The following MKNK2 variants were observed in gnomAD, a reference collection of about 807,000 sequenced individuals.
MKNK2 encodes MAPK interacting serine/threonine kinase 2.
In MKNK2, 54 loss-of-function variants were observed where a neutral mutation model predicts 55.0. That is an observed-to-expected ratio of 0.98 (90% CI 0.79 to 1.23). The LOEUF (loss-of-function observed/expected upper bound fraction) is 1.23, where lower values mean the gene tolerates loss of function less well. Ranked by LOEUF, MKNK2 falls within the 50% of genes most tolerant of loss-of-function variation. The pLI is 0.00. For synonymous variants in MKNK2, 323 were observed against 256.0 expected (o/e 1.26, Z -2.50); for missense variants, 685 against 632.1 (o/e 1.08, Z -0.90).
intron 12 of MKNK2, 127 bp from the exon 13 acceptor site, chr19:2,040,304 G>C (rs1438293113): frequency 1.2e-6 from 1 of 827,896 alleles, no homozygotes; most frequent in Non-Finnish European, 1.8e-6. Flanking sequence ...GACCAGGAGT[G>C]CACCTGGGTG....
intron 9 of MKNK2, 30 bp from the exon 10 acceptor site, chr19:2,042,552 G>A (rs1304180257): frequency 9.5e-6 from 15 of 1,580,766 alleles, no homozygotes; most frequent in Non-Finnish European, 1.3e-5. Flanking sequence ...CCGTGAGCCT[G>A]GGGTCCCACG....
intron 2 of MKNK2, 80 bp from the exon 3 acceptor site, chr19:2,046,771 G>A (rs998131331): frequency 4.2e-5 from 49 of 1,166,810 alleles, no homozygotes; most frequent in South Asian, 1.8e-4. Flanking sequence ...CCCCAGTGTC[G>A]CAGCGTCCAC....
Position 2,038,542 on chromosome 19 carries a change from T to A in MKNK2, c.*1071A>T. 8 of 985,244 alleles carry A rather than the reference T, an allele frequency of 8.1e-6. No individual in the cohort carries two copies. Among genetic ancestry groups the A allele is most frequent in the Non-Finnish European group, 9.6e-6 (8 of 829,940 alleles). 61.0% of individuals were successfully genotyped at this position (985,244 alleles called of 1,614,324 possible). A position where few individuals can be genotyped will look rare whatever the true frequency, so the allele number is the denominator to read the frequency against. On this transcript the variant is annotated 3_prime_UTR_variant, in exon 14 of 14. Coordinates refer to ENST00000250896, the MANE Select transcript of MKNK2 (RefSeq NM_199054.3). The stretch of plus-strand genomic sequence containing the variant: ...CGAAGGGAGGCCGAGGCCGCAGCCG[T>A]TTTCCTGAAGGTGGCAGACCAAAAA...
chr19:2,038,603 G>C lies in MKNK2; in HGVS notation c.*1010C>G, dbSNP rs1479270933. ...GGGGTGAGGATTCGGCCAGACCCCG[G>C]GGTCTGGGCTCAGCTCTAAGGACAA... On this transcript the variant is annotated 3_prime_UTR_variant, in exon 14 of 14. Coordinates refer to ENST00000250896, the MANE Select transcript of MKNK2 (RefSeq NM_199054.3). 1 of 985,304 alleles carries C rather than the reference G, an allele frequency of 1.0e-6. No homozygotes were observed. Among genetic ancestry groups the C allele is most frequent in the African/African-American group, 1.7e-5 (1 of 57,188 alleles). The allele number at this position is 985,304 out of a possible 1,614,324, so 61.0% of individuals were successfully genotyped here. A position where few individuals can be genotyped will look rare whatever the true frequency, so the allele number is the denominator to read the frequency against.
Position 2,043,452 on chromosome 19 carries a change from T to G in MKNK2, c.419+51A>C, listed in dbSNP as rs530475752. Reference sequence around the variant, plus strand: ...GGTGATGTGGCACTCAGGCCCTTCATCCACTGAAAGACAGCTCAGGCCAGT... The same window carrying G: ...GGTGATGTGGCACTCAGGCCCTTCAGCCACTGAAAGACAGCTCAGGCCAGT... On this transcript the variant is annotated intron_variant, in intron 6 of 13. Coordinates refer to ENST00000250896, the MANE Select transcript of MKNK2 (RefSeq NM_199054.3). The G allele has an allele frequency of 2.6e-6, 4 of 1,533,856 alleles. No homozygotes were observed. The South Asian group carries it at 4.5e-5, about 17-fold the overall frequency.
Position 2,037,615 on chromosome 19 carries a change from T to TA in MKNK2, c.*1997dup, listed in dbSNP as rs1568232901. Reference sequence around the variant, plus strand: ...GTGCTTGGATGTTTTTCCCCCACTTTAAAAAAACTTTTGAGGTTTTTTTTT... The same window carrying TA: ...GTGCTTGGATGTTTTTCCCCCACTTTAAAAAAAACTTTTGAGGTTTTTTTTT... On this transcript the variant is annotated 3_prime_UTR_variant, in exon 14 of 14. Transcript: ENST00000250896. 6.6e-6 allele frequency: 5 copies of TA among 756,180 alleles called. No homozygotes were observed. The highest frequency in any genetic ancestry group is 1.8e-5 in the African/African-American group (1 of 54,154). 46.8% of individuals were successfully genotyped at this position (756,180 alleles called of 1,614,324 possible).
At chr19:2,045,562 C>T (rs1438760302) in intron 5 of MKNK2, among the ~76,000 whole-genome samples, 1 of 152,158 alleles carries the variant, frequency 6.6e-6, no homozygotes, top group East Asian at 1.9e-4. Context: ...GCCTGGCCGT[C>T]CACCAGGACC....
Position 2,042,645 on chromosome 19 carries a change from G to A in MKNK2, c.616C>T (p.Leu206=), listed in dbSNP as rs866513976. ...LHNKGIAHRD[L]KPENILCEHP... The stretch of plus-strand genomic sequence containing the variant: ...TCACAGAGGATGTTTTCCGGCTTTA[G>A]GTCCCTGTGGGCGATGCCTGGGGGA... The change falls in exon 9 of 14, where the codon CTA becomes TTA. Residue 206 remains leucine (L), a synonymous_variant. Coordinates refer to ENST00000250896, the MANE Select transcript of MKNK2 (RefSeq NM_199054.3). The A allele has an allele frequency of 6.4e-7, 1 of 1,562,786 alleles. No individual in the cohort carries two copies. The highest frequency in any genetic ancestry group is 1.3e-5 in the African/African-American group (1 of 74,104).
Position 2,042,821 on chromosome 19 carries a change from C to G in MKNK2, c.543G>C (p.Glu181Asp). 2 of 1,580,022 alleles carry G rather than the reference C, an allele frequency of 1.3e-6. No homozygotes were observed. The highest frequency in any genetic ancestry group is 1.1e-5 in the South Asian group (1 of 87,440). The change falls in exon 8 of 14, where the codon GAG becomes GAC. Residue 181 changes from glutamate (E) to aspartate (D), a missense_variant. Transcript: ENST00000250896. Reference protein sequence around the residue: ...IHKRRHFNELEASVVVQDVAS... With the variant: ...IHKRRHFNELDASVVVQDVAS... ...CCACGTCCTGCACCACCACGCTGGCCTCCAGCTCGTTGAAGTGCCGGCGCT... is the reference window on the plus strand; with the variant it reads ...CCACGTCCTGCACCACCACGCTGGCGTCCAGCTCGTTGAAGTGCCGGCGCT...
Position 2,038,316 on chromosome 19 carries a change from AGGGGCTGCCCCAGCTGTGGAGCTCG to A in MKNK2, c.*1272_*1296del. ...TCCCGACCGCGGATTTAGAAGCCAG[AGGGGCTGCCCCAGCTGTGGAGCTCG>A]GGGGCTGCGCCGGGAAGGGCGGGCG... is the stretch of plus-strand genomic sequence containing the variant. On this transcript the variant is annotated 3_prime_UTR_variant, in exon 14 of 14. Transcript: ENST00000250896. The A allele has an allele frequency of 2.0e-6, 2 of 986,772 alleles. No individual in the cohort carries two copies. The highest frequency in any genetic ancestry group is 2.4e-6 in the Non-Finnish European group (2 of 830,530). 61.1% of individuals were successfully genotyped at this position (986,772 alleles called of 1,614,324 possible). A position where few individuals can be genotyped will look rare whatever the true frequency, so the allele number is the denominator to read the frequency against.
chr19:2,041,867 G>A lies in MKNK2; in HGVS notation c.918C>T (p.Asp306=). ...GGCAGGCAGGGCAGGCCTCGCCGCGGTCCCAGCCGCAGTCGCTGCCACAGC... is the reference window on the plus strand; with the variant it reads ...GGCAGGCAGGGCAGGCCTCGCCGCGATCCCAGCCGCAGTCGCTGCCACAGC... ...VGRCGSDCGW[D]RGEACPACQN... is the part of the protein sequence containing the mutation. The change falls in exon 11 of 14, where the codon GAC becomes GAT. Residue 306 remains aspartate, a synonymous_variant. Coordinates refer to ENST00000250896, the MANE Select transcript of MKNK2 (RefSeq NM_199054.3). 2 of 1,539,160 alleles carry A rather than the reference G, an allele frequency of 1.3e-6. No homozygotes were observed. The highest frequency in any genetic ancestry group is 2.5e-5 in the East Asian group (1 of 40,106).
rs546905842 is a variant in MKNK2 at position 2,040,169 on chromosome 19, C to G, written c.1119G>C (p.Pro373=). Residue 373 remains proline, a synonymous_variant, in exon 13 of 14, where the codon CCG becomes CCC. Transcript: ENST00000250896. ...LQHPWVQGCA[P]ENTLPTPMVL... ...CCATGGGAGTGGGCAAGGTGTTCTC[C>G]GGGGCGCACTGCAACGAGAGTGGGC... The G allele has an allele frequency of 6.3e-7, 1 of 1,584,736 alleles. No individual in the cohort carries two copies. The highest frequency in any genetic ancestry group is 8.6e-7 in the Non-Finnish European group (1 of 1,166,890).
rs976081994 is a variant in MKNK2, at chr19:2,038,159, G to C, written c.*1454C>G. ...AGATTCAGGAGGGGCAGCAGGGCCA[G>C]GCAGACGGTCTCCGAGGCCCCCACC... On this transcript the variant is annotated 3_prime_UTR_variant, in exon 14 of 14. Coordinates refer to ENST00000250896, the MANE Select transcript of MKNK2 (RefSeq NM_199054.3). 1.3e-5 allele frequency: 14 copies of C among 1,041,728 alleles called. No individual in the cohort carries two copies. In the African/African-American group the frequency reaches 2.4e-4, roughly 18 times the overall value. 64.5% of individuals were successfully genotyped at this position (1,041,728 alleles called of 1,614,324 possible). A position where few individuals can be genotyped will look rare whatever the true frequency, so the allele number is the denominator to read the frequency against.
rs1039675641 is a variant in MKNK2, at chr19:2,039,489, C to T, written c.*124G>A. ...CTATAAAACACCCCCCTCAGCTGAGCTTAGTGCCTGGGAATCCAGGCAGAG... is the reference window on the plus strand; with the variant it reads ...CTATAAAACACCCCCCTCAGCTGAGTTTAGTGCCTGGGAATCCAGGCAGAG... On this transcript the variant is annotated 3_prime_UTR_variant, in exon 14 of 14. Coordinates refer to ENST00000250896, the MANE Select transcript of MKNK2 (RefSeq NM_199054.3). 5.6e-6 allele frequency: 8 copies of T among 1,437,876 alleles called. No homozygotes were observed. The Admixed American group carries it at 1.1e-4, about 19-fold the overall frequency. The allele number at this position is 1,437,876 out of a possible 1,614,324, so 89.1% of individuals were successfully genotyped here. A position where few individuals can be genotyped will look rare whatever the true frequency, so the allele number is the denominator to read the frequency against.
chr19:2,042,928 C>T, intron 7 of MKNK2, 58 bp from the exon 8 acceptor site: 1 of 1,507,782 alleles, frequency 6.6e-7, no homozygotes, highest in East Asian at 2.4e-5. Context: ...TCAAAGTCCC[C>T]TCAAGGCCAG....
At position 2,038,463 on chromosome 19, in the gene MKNK2, G is replaced by A. The variant is rs2016802432; in HGVS notation, c.*1150C>T. 2.0e-6 allele frequency: 2 copies of A among 985,462 alleles called. No individual in the cohort carries two copies. Among genetic ancestry groups the A allele is most frequent in the South Asian group, 4.7e-5 (1 of 21,286 alleles). The allele number at this position is 985,462 out of a possible 1,614,324, so 61.0% of individuals were successfully genotyped here. A position where few individuals can be genotyped will look rare whatever the true frequency, so the allele number is the denominator to read the frequency against. On this transcript the variant is annotated 3_prime_UTR_variant, in exon 14 of 14. Coordinates refer to ENST00000250896, the MANE Select transcript of MKNK2 (RefSeq NM_199054.3). ...GGCAGCAGGCTCCGCAGCCCCCGGG[G>A]GTTGGAGCATGGAGGGTGGGGGGAC...
chr19:2,051,088 G>T lies in MKNK2; in HGVS notation c.-97+8C>A, dbSNP rs1034165698. The T allele has an allele frequency of 7.5e-6, 2 of 268,182 alleles. No individual in the cohort carries two copies. The highest frequency in any genetic ancestry group is 4.5e-5 in the African/African-American group (2 of 44,206). The allele number at this position is 268,182 out of a possible 1,614,324, so 16.6% of individuals were successfully genotyped here. ...TGTCCTCGGGGCCGCCCTGGGGTTC[G>T]CACTCACCGGGGTCGGGCTTGGGCC... On this transcript the variant is annotated splice_region_variant and intron_variant, in intron 1 of 13. Coordinates refer to ENST00000250896, the MANE Select transcript of MKNK2 (RefSeq NM_199054.3).
At chr19:2,045,779 T>A (rs1379221763) in intron 5 of MKNK2, among the ~76,000 whole-genome samples, 1 of 152,226 alleles carries the variant, frequency 6.6e-6, no homozygotes, top group African/African-American at 2.4e-5. Context: ...CTCCCAGCCC[T>A]TCGGCCACAC....
chr19:2,043,002 C>A, intron 7 of MKNK2, 122 bp downstream of exon 7: 1 of 1,293,814 alleles, frequency 7.7e-7, no homozygotes, highest in Non-Finnish European at 1.1e-6. Context: ...AGGCCTCACC[C>A]CTGAGCCACC....
Sources: gnomAD v4.1 joint callset for allele counts (sites outside exome capture counted in the v4.1 genomes callset) on GRCh38, gnomAD v4.1.1 for gene constraint, MANE v1.5 for transcripts, NCBI Gene and HGNC (gene_info 2026-07-23, HGNC 2026-07-21) for gene names.